Variants in NBAS observed in about 807,000 individuals in gnomAD.
NBAS encodes the protein NBAS subunit of NRZ tethering complex, also known as NAG/BC035112 fusion.
Under a neutral mutation model 302.5 loss-of-function variants are expected in NBAS, and 219 were observed. That is an observed-to-expected ratio of 0.72 (90% confidence interval 0.65 to 0.81). The LOEUF (loss-of-function observed/expected upper bound fraction) is 0.81, where lower values mean the gene tolerates loss of function less well. NBAS is among the 30% of genes least tolerant of loss of function. NBAS has a pLI of 0.00. For synonymous variants in NBAS, 1,118 were observed against 1,021.6 expected (o/e 1.09, Z -1.80); for missense variants, 2,932 against 2,841.6 (o/e 1.03, Z -0.72).
the NBAS span, among the ~76,000 whole-genome samples, chr2:14,910,858 G>A: frequency 3.9e-5 from 6 of 152,264 alleles, no homozygotes; most frequent in African/African-American, 1.4e-4. Flanking sequence ...TTCAAAATAA[G>A]AGCCTTCAAA....
the NBAS span, among the ~76,000 whole-genome samples, chr2:14,915,571 TTTG>T: frequency 6.6e-6 from 1 of 152,096 alleles, no homozygotes; most frequent in Admixed American, 6.5e-5. Context: ...ATGGGTTTTT[TTTG>T]TTTTTTGAGA....
chr2:15,369,723 A>T (rs1288405008), intron 31 of NBAS, among the ~76,000 whole-genome samples: 1 of 152,240 alleles, frequency 6.6e-6, no homozygotes, highest in Non-Finnish European at 1.5e-5. Context: ...GCATGTACGT[A>T]CCTTTTAATA....
the NBAS span, among the ~76,000 whole-genome samples, chr2:14,847,221 A>C: frequency 7.9e-5 from 12 of 151,900 alleles, no homozygotes; most frequent in Non-Finnish European, 1.6e-4. Context: ...GTCTCTACTA[A>C]AAATACAAAA....
At chr2:15,314,781 T>G (rs969265190) in intron 38 of NBAS, among the ~76,000 whole-genome samples, 1 of 152,190 alleles carries the variant, frequency 6.6e-6, no homozygotes, top group African/African-American at 2.4e-5. Flanking sequence ...AGACCCCAGG[T>G]ATCCTTTAAT....
At chr2:15,030,359 G>C in the NBAS span, among the ~76,000 whole-genome samples, 1 of 152,238 alleles carries the variant, frequency 6.6e-6, no homozygotes, top group African/African-American at 2.4e-5. Flanking sequence ...GTAGGTCACA[G>C]TAATGTATGG....
the NBAS span, among the ~76,000 whole-genome samples, chr2:14,839,112 T>C: frequency 2.6e-5 from 4 of 151,906 alleles, no homozygotes; most frequent in East Asian, 5.8e-4. Context: ...CAAAACCAAA[T>C]ATACAGCACC....
At chr2:14,966,563 G>GA in the NBAS span, among the ~76,000 whole-genome samples, 225 of 152,080 alleles carry the variant, frequency 1.5e-3, no homozygotes, top group African/African-American at 5.0e-3. Context: ...TGTTTGATTG[G>GA]AAAAAAATCC....
the NBAS span, among the ~76,000 whole-genome samples, chr2:14,812,522 A>G: frequency 6.6e-6 from 1 of 152,240 alleles, no homozygotes; most frequent in African/African-American, 2.4e-5. Flanking sequence ...ACACTTCTTA[A>G]GAGCCAGAAC....
the NBAS span, among the ~76,000 whole-genome samples, chr2:14,898,258 T>C: frequency 6.6e-6 from 1 of 152,224 alleles, no homozygotes; most frequent in African/African-American, 2.4e-5. Flanking sequence ...AGCCTCTCTC[T>C]TCCTTGAAAA....
At chr2:15,134,256 C>T in the NBAS span, among the ~76,000 whole-genome samples, 1 of 152,128 alleles carries the variant, frequency 6.6e-6, no homozygotes, top group African/African-American at 2.4e-5. Flanking sequence ...GCTCTCTCAC[C>T]TCCTTTCTGC....
At chr2:15,056,397 C>T in the NBAS span, among the ~76,000 whole-genome samples, 4 of 152,276 alleles carry the variant, frequency 2.6e-5, no homozygotes, top group African/African-American at 4.8e-5. Flanking sequence ...TCAAATGCTT[C>T]AAGAAAAGTT....
the NBAS span, among the ~76,000 whole-genome samples, chr2:14,943,812 A>T: frequency 6.6e-6 from 1 of 152,164 alleles, no homozygotes; most frequent in Non-Finnish European, 1.5e-5. Flanking sequence ...TCATGACTAT[A>T]ACCTCAAAGT....
At chr2:15,156,106 G>GT in the NBAS span, among the ~76,000 whole-genome samples, 2 of 152,082 alleles carry the variant, frequency 1.3e-5, no homozygotes, top group Non-Finnish European at 2.9e-5. Flanking sequence ...TGCCTTCTGA[G>GT]TTTTTTTTCA....
the NBAS span, among the ~76,000 whole-genome samples, chr2:14,879,703 T>G: frequency 2.0e-5 from 3 of 152,114 alleles, no homozygotes; most frequent in Admixed American, 6.6e-5. Flanking sequence ...GCCTACAGGA[T>G]GACTAGAACA....
intron 36 of NBAS, among the ~76,000 whole-genome samples, chr2:15,328,888 C>T (rs748686841): frequency 5.3e-5 from 8 of 152,164 alleles, no homozygotes; most frequent in Admixed American, 4.6e-4. Flanking sequence ...CCTGCCATGC[C>T]GACTGCCTGG....
intron 1 of NBAS, 65 bp downstream of exon 1, chr2:15,561,123 T>C: frequency 1.6e-6 from 2 of 1,248,130 alleles, no homozygotes; most frequent in South Asian, 2.3e-5. Flanking sequence ...TGGCTCCTGC[T>C]ACGTGGCTCT....
At chr2:14,783,413 G>T in the NBAS span, among the ~76,000 whole-genome samples, 1 of 150,864 alleles carries the variant, frequency 6.6e-6, no homozygotes, top group Non-Finnish European at 1.5e-5. Context: ...CTGGTGTGCT[G>T]CACCCATTAA....
intron 31 of NBAS, 100 bp downstream of exon 31, chr2:15,374,508 A>G: frequency 2.0e-6 from 2 of 1,013,888 alleles, no homozygotes; most frequent in South Asian, 2.6e-5. Flanking sequence ...AATGGATTAC[A>G]TGACCAAAGC....
At chr2:15,101,290 G>T in the NBAS span, among the ~76,000 whole-genome samples, 1 of 151,264 alleles carries the variant, frequency 6.6e-6, no homozygotes, top group African/African-American at 2.4e-5. Context: ...TAATTCCAGG[G>T]GCAGTAAAAA....
Sources: allele counts gnomAD v4.1 joint callset (sites outside exome capture counted in the v4.1 genomes callset), GRCh38; gene constraint gnomAD v4.1.1; transcripts MANE v1.5; gene names NCBI Gene and HGNC (gene_info 2026-07-23, HGNC 2026-07-21).